Variants in TMF1 observed in about 807,000 individuals in gnomAD.
TMF1 encodes the protein TATA element modulatory factor.
A neutral mutation model predicts 126.5 loss-of-function variants in TMF1; 71 were observed. The observed-to-expected ratio is 0.56, with a 90% confidence interval of 0.46 to 0.68. The LOEUF (loss-of-function observed/expected upper bound fraction) is 0.68. TMF1 is among the 30% of genes least tolerant of loss of function. The pLI, the probability that TMF1 is intolerant of heterozygous loss-of-function variation, is 0.00. For missense variants in TMF1, 1,259 were observed against 1,253.2 expected, an observed-to-expected ratio of 1.00 and a Z score of -0.07; for synonymous variants, 461 against 430.5, an observed-to-expected ratio of 1.07 and a Z score of -0.88.
At chr3:69,026,510 T>C (rs2091768016) in intron 13 of TMF1, among the ~76,000 whole-genome samples, 1 of 152,170 alleles carries the variant, frequency 6.6e-6, no homozygotes, top group Non-Finnish European at 1.5e-5. Context: ...GCAGAATCGC[T>C]TGAACCTGGG....
chr3:69,039,833 T>C (rs2091853682), intron 5 of TMF1, 140 bp from the exon 6 acceptor site: 1 of 884,034 alleles, frequency 1.1e-6, no homozygotes, highest in South Asian at 1.8e-5. Flanking sequence ...ACAACTAATT[T>C]GGACAGCAAT....
chr3:69,043,722 A>C, intron 4 of TMF1, 28 bp downstream of exon 4: 1 of 1,578,962 alleles, frequency 6.3e-7, no homozygotes, highest in South Asian at 1.2e-5. Flanking sequence ...TATAGAGTTT[A>C]ATTAATATTA....
At chr3:69,044,158 T>G (rs1411321293) in intron 3 of TMF1, among the ~76,000 whole-genome samples, 1 of 152,226 alleles carries the variant, frequency 6.6e-6, no homozygotes, top group Non-Finnish European at 1.5e-5. Flanking sequence ...TTCTGAATCT[T>G]CTTGTATCAC....
intron 8 of TMF1, among the ~76,000 whole-genome samples, chr3:69,038,283 A>T (rs1364527966): frequency 1.3e-5 from 2 of 152,176 alleles, no homozygotes; most frequent in African/African-American, 4.8e-5. Context: ...TATATGCAAT[A>T]TGTATGTGCA....
chr3:69,037,606 C>T (rs375586664), intron 8 of TMF1, among the ~76,000 whole-genome samples: 49 of 152,184 alleles, frequency 3.2e-4, no homozygotes, highest in African/African-American at 1.2e-3. Context: ...TGCGCTATTG[C>T]ACTCCAGCCT....
chr3:69,023,054 A>T lies in TMF1; in HGVS notation c.*123T>A. ...CATAGTGTAAAACAATTTTAAAAAAATTTTTACACTCTACAGTAAATCCCA... is the reference window on the plus strand; with the variant it reads ...CATAGTGTAAAACAATTTTAAAAAATTTTTTACACTCTACAGTAAATCCCA... On this transcript the variant is annotated 3_prime_UTR_variant, in exon 17 of 17. Transcript: ENST00000398559. 2 of 891,044 alleles carry T rather than the reference A, an allele frequency of 2.2e-6. No homozygotes were observed. Among genetic ancestry groups the T allele is most frequent in the South Asian group, 2.4e-5 (1 of 42,368 alleles). 55.2% of individuals were successfully genotyped at this position (891,044 alleles called of 1,614,324 possible).
Position 69,038,673 on chromosome 3 carries a change from G to T in TMF1, c.2042C>A (p.Ala681Glu). Reference sequence around the variant, plus strand: ...TTCACGGCTCAGAGCAGCTTCCTGTGCCTCACTATCCTTTGCAGCATTGGC... The same window carrying T: ...TTCACGGCTCAGAGCAGCTTCCTGTTCCTCACTATCCTTTGCAGCATTGGC... ...HKANAAKDSE[A>E]QEAALSREMK... Residue 681 changes from alanine (A) to glutamate (E), a missense_variant, in exon 8 of 17, where the codon GCA becomes GAA. Coordinates refer to ENST00000398559, the MANE Select transcript of TMF1 (RefSeq NM_007114.3). The T allele has an allele frequency of 6.2e-7, 1 of 1,614,120 alleles. No homozygotes were observed. Among genetic ancestry groups the T allele is most frequent in the Non-Finnish European group, 8.5e-7 (1 of 1,180,002 alleles).
chr3:69,024,237 C>T lies in TMF1; in HGVS notation c.3013-57G>A. Reference sequence around the variant, plus strand: ...CAAAACATATCTTTTTTAATACTCCCAGTAATATAAAAATATTTAATGTGT... The same window carrying T: ...CAAAACATATCTTTTTTAATACTCCTAGTAATATAAAAATATTTAATGTGT... On this transcript the variant is annotated intron_variant, in intron 15 of 16. Transcript: ENST00000398559. 2.9e-6 allele frequency: 4 copies of T among 1,398,472 alleles called. No homozygotes were observed. The South Asian group carries it at 4.5e-5, about 16-fold the overall frequency. The allele number at this position is 1,398,472 out of a possible 1,614,324, so 86.6% of individuals were successfully genotyped here. A position where few individuals can be genotyped will look rare whatever the true frequency, so the allele number is the denominator to read the frequency against.
chr3:69,035,044 A>G lies in TMF1; in HGVS notation c.2223T>C (p.His741=), dbSNP rs773588897. 3.1e-6 allele frequency: 5 copies of G among 1,611,726 alleles called. No homozygotes were observed. Among genetic ancestry groups the G allele is most frequent in the South Asian group, 2.2e-5 (2 of 91,054 alleles). ...AAARKEDYLR[H]EIGELQQRLQ... is the part of the protein sequence containing the mutation. Reference sequence around the variant, plus strand: ...GTACCTGCTGAAGTTCACCGATCTCATGGCGTAAATAATCCTCCTTTCTGG... The same window carrying G: ...GTACCTGCTGAAGTTCACCGATCTCGTGGCGTAAATAATCCTCCTTTCTGG... The change falls in exon 9 of 17, where the codon CAT becomes CAC. Residue 741 remains histidine (H), a synonymous_variant. Coordinates refer to ENST00000398559, the MANE Select transcript of TMF1 (RefSeq NM_007114.3).
At chr3:69,036,289 T>C (rs1329378956) in intron 8 of TMF1, among the ~76,000 whole-genome samples, 1 of 151,774 alleles carries the variant, frequency 6.6e-6, no homozygotes, top group Admixed American at 6.6e-5. Context: ...GTGTATAATC[T>C]ATCAATAAGA....
Position 69,020,027 on chromosome 3 carries a change from A to G in TMF1, c.*3150T>C, listed in dbSNP as rs1432568090. Reference sequence around the variant, plus strand: ...TAATGAAAATGAAAAATTTTGATACACTAGAACATAAATGTATACGTACTA... The same window carrying G: ...TAATGAAAATGAAAAATTTTGATACGCTAGAACATAAATGTATACGTACTA... On this transcript the variant is annotated 3_prime_UTR_variant, in exon 17 of 17. Transcript: ENST00000398559. 2 of 152,154 alleles carry G rather than the reference A, an allele frequency of 1.3e-5. No homozygotes were observed. The highest frequency in any genetic ancestry group is 1.5e-5 in the Non-Finnish European group (1 of 67,992). 9.4% of individuals were successfully genotyped at this position (152,154 alleles called of 1,614,324 possible).
intron 2 of TMF1, among the ~76,000 whole-genome samples, chr3:69,046,051 G>A (rs964129807): frequency 6.6e-6 from 1 of 152,102 alleles, no homozygotes; most frequent in Non-Finnish European, 1.5e-5. Flanking sequence ...GAGAGACCCT[G>A]TGAGCCGCGA....
intron 1 of TMF1, 187 bp from the exon 2 acceptor site, chr3:69,048,749 G>A (rs1218544358): frequency 1.5e-5 from 8 of 521,548 alleles, no homozygotes; most frequent in African/African-American, 2.0e-5. Context: ...AGGGACTTAC[G>A]GAAGAAAACT....
chr3:69,048,953 A>T (rs1291580068), intron 1 of TMF1: 3 of 162,746 alleles, frequency 1.8e-5, no homozygotes, highest in African/African-American at 7.2e-5. Flanking sequence ...AATATGAAAT[A>T]AACTAATATG....
chr3:69,034,928 C>G (rs1559631408), intron 9 of TMF1, 95 bp downstream of exon 9: 6 of 1,156,418 alleles, frequency 5.2e-6, no homozygotes, highest in Non-Finnish European at 7.7e-6. Context: ...CAGTAATCCT[C>G]TCAATTCCAT....
intron 9 of TMF1, 75 bp downstream of exon 9, chr3:69,034,948 C>A: frequency 7.8e-7 from 1 of 1,290,124 alleles, no homozygotes; most frequent in Non-Finnish European, 1.1e-6. Context: ...TGAACACTAT[C>A]CCACTGAGGA....
rs2091779842 is a variant in TMF1 at position 69,028,027 on chromosome 3, G to A, written c.2665-35C>T. On this transcript the variant is annotated intron_variant, in intron 12 of 16. Coordinates refer to ENST00000398559, the MANE Select transcript of TMF1 (RefSeq NM_007114.3). ...AGAAATAAAGTTAGACAATTTCTGT[G>A]ATAGTAATTCATGCCATGATAAGTC... 4.6e-6 allele frequency: 6 copies of A among 1,307,724 alleles called. No individual in the cohort carries two copies. In the South Asian group the frequency reaches 6.2e-5, roughly 14 times the overall value. The allele number at this position is 1,307,724 out of a possible 1,614,324, so 81.0% of individuals were successfully genotyped here.
chr3:69,038,770 G>C, intron 7 of TMF1, 50 bp from the exon 8 acceptor site: 1 of 1,587,666 alleles, frequency 6.3e-7, no homozygotes, highest in Non-Finnish European at 8.6e-7. Context: ...TCAGATAATA[G>C]AAAAAGTATT....
intron 5 of TMF1, chr3:69,040,523 G>A (rs945608339): frequency 6.6e-6 from 1 of 152,224 alleles, no homozygotes. Flanking sequence ...GAAAGATATG[G>A]AAGAGTTGTG....
Sources: allele counts gnomAD v4.1 joint callset (sites outside exome capture counted in the v4.1 genomes callset), GRCh38; gene constraint gnomAD v4.1.1; transcripts MANE v1.5; gene names NCBI Gene and HGNC (gene_info 2026-07-23, HGNC 2026-07-21).